Variants in MSRB3 observed in about 807,000 individuals in gnomAD.
The protein encoded by MSRB3 is methionine-R-sulfoxide reductase B3.
In MSRB3, 13 loss-of-function variants were observed where a neutral mutation model predicts 21.0. The ratio of observed to expected loss-of-function variants is 0.62; its 90% CI spans 0.40 to 0.98. MSRB3 has a LOEUF of 0.98. Ranked by LOEUF, MSRB3 falls within the 50% of genes least tolerant of loss-of-function variation. The pLI is 0.00. For missense variants in MSRB3, 199 were observed against 230.3 expected (o/e 0.86, Z 0.88); for synonymous variants, 87 against 88.6 (o/e 0.98, Z 0.10).
chr12:65,337,158 G>C (rs1875819379), intron 4 of MSRB3, among the ~76,000 whole-genome samples: 3 of 152,252 alleles, frequency 2.0e-5, no homozygotes, highest in East Asian at 3.9e-4. Context: ...CAGGAGAATG[G>C]CGTGAACCCG....
intron 1 of MSRB3, among the ~76,000 whole-genome samples, chr12:65,296,166 A>G (rs776127004): frequency 1.3e-5 from 2 of 152,236 alleles, no homozygotes; most frequent in Non-Finnish European, 2.9e-5. Flanking sequence ...TGTCAAATAT[A>G]ATGATTTCTC....
chr12:65,459,398 G>A (rs886205447), intron 6 of MSRB3, among the ~76,000 whole-genome samples: 2 of 152,092 alleles, frequency 1.3e-5, no homozygotes, highest in Non-Finnish European at 2.9e-5. Context: ...TGTTACAATA[G>A]GGCTTCAGAC....
chr12:65,413,453 T>C (rs564137906), intron 5 of MSRB3, among the ~76,000 whole-genome samples: 1 of 152,300 alleles, frequency 6.6e-6, no homozygotes, highest in East Asian at 1.9e-4. Flanking sequence ...GTAAAGGATA[T>C]AACTTGGGAT....
intron 5 of MSRB3, among the ~76,000 whole-genome samples, chr12:65,426,056 C>A (rs536225406): frequency 6.1e-4 from 93 of 152,190 alleles, no homozygotes; most frequent in Admixed American, 4.5e-3. Flanking sequence ...GGGGGTTTCA[C>A]CATGTTGGCC....
intron 5 of MSRB3, among the ~76,000 whole-genome samples, chr12:65,404,922 C>A (rs550398788): frequency 6.6e-6 from 1 of 151,996 alleles, no homozygotes; most frequent in Non-Finnish European, 1.5e-5. Flanking sequence ...CTCCCAACCC[C>A]TGACTACCAG....
chr12:65,366,016 C>T (rs1490607363), intron 4 of MSRB3, among the ~76,000 whole-genome samples: 4 of 152,082 alleles, frequency 2.6e-5, no homozygotes, highest in Non-Finnish European at 5.9e-5. Flanking sequence ...TGGGCCCCCA[C>T]CCATTGCTCC....
chr12:65,317,944 T>TAG (rs1303653997), intron 2 of MSRB3, among the ~76,000 whole-genome samples: 1 of 152,196 alleles, frequency 6.6e-6, no homozygotes, highest in Non-Finnish European at 1.5e-5. Flanking sequence ...GTCCTTCCTT[T>TAG]TTCTCAGCCA....
intron 6 of MSRB3, among the ~76,000 whole-genome samples, chr12:65,460,972 G>T (rs1011497966): frequency 2.0e-5 from 3 of 151,516 alleles, no homozygotes; most frequent in Admixed American, 1.3e-4. Flanking sequence ...TTTATTTTTG[G>T]TGTAGAATAA....
At chr12:65,290,503 G>A (rs959633329) in intron 1 of MSRB3, among the ~76,000 whole-genome samples, 43 of 152,262 alleles carry the variant, frequency 2.8e-4, no homozygotes, top group Middle Eastern at 3.4e-3. Context: ...GTACGACACC[G>A]GTTGCTCAAA....
chr12:65,423,894 G>A (rs1392098722), intron 5 of MSRB3, among the ~76,000 whole-genome samples: 1 of 152,168 alleles, frequency 6.6e-6, no homozygotes, highest in Non-Finnish European at 1.5e-5. Flanking sequence ...CTTTGGAAGA[G>A]TTTGAGAAGG....
chr12:65,381,331 G>GTC (rs1288486204), intron 5 of MSRB3, among the ~76,000 whole-genome samples: 3 of 152,024 alleles, frequency 2.0e-5, no homozygotes, highest in African/African-American at 7.2e-5. Context: ...GATGATCATG[G>GTC]TCACCTTCTT....
intron 4 of MSRB3, among the ~76,000 whole-genome samples, chr12:65,339,176 G>A (rs1457643759): frequency 6.6e-6 from 1 of 152,220 alleles, no homozygotes; most frequent in African/African-American, 2.4e-5. Context: ...CTCAGCCTCA[G>A]CTCTATTTAC....
At chr12:65,407,137 G>A (rs77587077) in intron 5 of MSRB3, among the ~76,000 whole-genome samples, 1 of 152,100 alleles carries the variant, frequency 6.6e-6, no homozygotes, top group African/African-American at 2.4e-5. Context: ...AGTGTAGAGA[G>A]TCCAGAACTA....
At chr12:65,308,008 G>A (rs1175272968) in intron 1 of MSRB3, among the ~76,000 whole-genome samples, 2 of 152,182 alleles carry the variant, frequency 1.3e-5, no homozygotes, top group African/African-American at 4.8e-5. Context: ...ATTGCTGGAA[G>A]AAGGCAGCAT....
intron 5 of MSRB3, among the ~76,000 whole-genome samples, chr12:65,442,109 G>A (rs1882410035): frequency 1.3e-5 from 2 of 151,958 alleles, no homozygotes; most frequent in Admixed American, 6.6e-5. Flanking sequence ...AATGATCATA[G>A]AAGATTTATG....
intron 1 of MSRB3, chr12:65,307,134 A>G: frequency 1.5e-6 from 1 of 646,246 alleles, no homozygotes; most frequent in Non-Finnish European, 1.9e-6. Flanking sequence ...ATCTTTTATT[A>G]GTCAGTAGTC....
intron 5 of MSRB3, among the ~76,000 whole-genome samples, chr12:65,378,195 T>C (rs572136902): frequency 6.0e-4 from 91 of 152,344 alleles, no homozygotes; most frequent in Middle Eastern, 3.4e-3. Flanking sequence ...GGATAGTTTT[T>C]GGATAAATGA....
intron 5 of MSRB3, among the ~76,000 whole-genome samples, chr12:65,406,988 T>A (rs767784874): frequency 6.6e-6 from 1 of 152,214 alleles, no homozygotes; most frequent in Non-Finnish European, 1.5e-5. Flanking sequence ...CCTCCAGAAC[T>A]GTGAGAAATT....
intron 5 of MSRB3, among the ~76,000 whole-genome samples, chr12:65,431,403 A>T (rs941324580): frequency 1.9e-4 from 29 of 151,892 alleles, no homozygotes; most frequent in African/African-American, 7.0e-4. Flanking sequence ...TTTTGTGCCT[A>T]CTTAGGCCCG....
Sources: allele counts gnomAD v4.1 joint callset (sites outside exome capture counted in the v4.1 genomes callset), GRCh38; gene constraint gnomAD v4.1.1; transcripts MANE v1.5; gene names NCBI Gene and HGNC (gene_info 2026-07-23, HGNC 2026-07-21).